Variants in TEX11 observed in about 807,000 individuals in gnomAD.
TEX11 encodes testis expressed 11, also known as testis-expressed protein 11.
TEX11 carries 7 observed loss-of-function variants against 84.4 expected under a neutral mutation model. That is an observed-to-expected ratio of 0.08 (90% confidence interval 0.05 to 0.16). The LOEUF is 0.16. TEX11 is among the 10% of genes least tolerant of loss of function. TEX11 has a pLI of 1.00. For synonymous variants in TEX11, 264 were observed against 222.8 expected (o/e 1.18, Z -1.64); for missense variants, 551 against 660.5 (o/e 0.83, Z 1.82).
At chrX:70,868,807 C>T (rs58774113) in intron 4 of TEX11, among the ~76,000 whole-genome samples, 7,246 of 109,521 alleles carry the variant, frequency 0.066, 610 homozygotes, top group African/African-American at 0.23. Context: ...TGTTCTCACT[C>T]ATAAGTGGGA....
intron 25 of TEX11, among the ~76,000 whole-genome samples, chrX:70,568,328 C>T (rs1411974768): frequency 9.0e-6 from 1 of 110,823 alleles, no homozygotes; most frequent in Non-Finnish European, 1.9e-5. Flanking sequence ...TTCCTGAATA[C>T]AGCACATTGA....
chrX:70,728,464 A>G (rs1335672496), intron 11 of TEX11, among the ~76,000 whole-genome samples: 2 of 112,984 alleles, frequency 1.8e-5, no homozygotes, highest in Non-Finnish European at 3.7e-5. Flanking sequence ...CACTCCCACC[A>G]TAATACTGCG....
At chrX:70,881,326 CA>C (rs773436735) in intron 2 of TEX11, among the ~76,000 whole-genome samples, 70 of 61,893 alleles carry the variant, frequency 1.1e-3, no homozygotes, top group East Asian at 2.6e-3. Flanking sequence ...GACTGTGTCT[CA>C]AAAAAAAAAA....
rs1230541070 is a variant in TEX11, at chrX:70,808,225, G to A, written c.607-1435C>T. On this transcript the variant is annotated intron_variant, in intron 8 of 29. Coordinates refer to ENST00000374333, the MANE Select transcript of TEX11 (RefSeq NM_031276.3). Reference sequence around the variant, plus strand: ...ATAATTTAATTATAAATTTTAAGCTGGGCACCGTGGCTCAAGCCTGAAATC... The same window carrying A: ...ATAATTTAATTATAAATTTTAAGCTAGGCACCGTGGCTCAAGCCTGAAATC... Among the ~76,000 whole-genome samples the A allele has an allele frequency of 1.3e-4, 14 of 106,437 alleles. 1 individual carries two copies. Among genetic ancestry groups the A allele is most frequent in the Admixed American group, 1.0e-3 (10 of 9,756 alleles). 92.4% of individuals were successfully genotyped at this position (106,437 alleles called of 115,157 possible). A position where few individuals can be genotyped will look rare whatever the true frequency, so the allele number is the denominator to read the frequency against.
intron 4 of TEX11, among the ~76,000 whole-genome samples, chrX:70,866,212 C>T (rs2091598294): frequency 9.0e-6 from 1 of 111,056 alleles, no homozygotes; most frequent in Non-Finnish European, 1.9e-5. Flanking sequence ...GGGCTATCAC[C>T]ACTGATCCCA....
In TEX11 at chrX:70,858,739, A is replaced by T. The variant is rs72628879; in HGVS notation, c.324+2118T>A. Among the ~76,000 whole-genome samples, 40 of 111,948 alleles carry T rather than the reference A, an allele frequency of 3.6e-4. No individual in the cohort carries two copies. In the East Asian group the frequency reaches 0.011, roughly 30 times the overall value. On this transcript the variant is annotated intron_variant, in intron 5 of 29. Coordinates refer to ENST00000374333, the MANE Select transcript of TEX11 (RefSeq NM_031276.3). ...AATTATACATGTTGAATTTGCTTGAAAATAATCCAGTGGGTTGGCCAGGCG... is the reference window on the plus strand; with the variant it reads ...AATTATACATGTTGAATTTGCTTGATAATAATCCAGTGGGTTGGCCAGGCG...
chrX:70,570,000 C>A (rs911818147), intron 25 of TEX11, among the ~76,000 whole-genome samples: 25 of 112,146 alleles, frequency 2.2e-4, no homozygotes, highest in African/African-American at 8.1e-4. Context: ...CTGTGCCCTG[C>A]CCCCAGAGGT....
chrX:70,788,985 G>T lies in TEX11; in HGVS notation c.692+17720C>A, dbSNP rs1198103810. Among the ~76,000 whole-genome samples the T allele has an allele frequency of 2.4e-3, 131 of 54,116 alleles. 1 individual carries two copies. Among genetic ancestry groups the T allele is most frequent in the African/African-American group, 3.9e-3 (58 of 14,991 alleles). The allele number at this position is 54,116 out of a possible 115,157, so 47.0% of individuals were successfully genotyped here. ...ATATATATATATATAGAGAGAGAGA[G>T]AGAGAGAGAGAGAGAGAGAGAGAGA... On this transcript the variant is annotated intron_variant, in intron 9 of 29. Coordinates refer to ENST00000374333, the MANE Select transcript of TEX11 (RefSeq NM_031276.3).
At chrX:70,567,845 T>C (rs999546046) in intron 25 of TEX11, among the ~76,000 whole-genome samples, 2 of 111,725 alleles carry the variant, frequency 1.8e-5, no homozygotes, top group Non-Finnish European at 3.8e-5. Flanking sequence ...AATTTTGGAA[T>C]AGGTGTGGTG....
chrX:70,665,227 T>G, intron 16 of TEX11, among the ~76,000 whole-genome samples: 1 of 111,264 alleles, frequency 9.0e-6, no homozygotes, highest in Non-Finnish European at 1.9e-5. Context: ...CAATTGTGCA[T>G]TCCCATTAAC....
chrX:70,610,481 A>C, intron 21 of TEX11, 22 bp downstream of exon 21: 1 of 1,195,671 alleles, frequency 8.4e-7, no homozygotes, highest in Non-Finnish European at 1.1e-6. Flanking sequence ...GAAGGACTGA[A>C]TATAACCAGG....
intron 4 of TEX11, among the ~76,000 whole-genome samples, chrX:70,863,959 G>A (rs1196919322): frequency 8.9e-6 from 1 of 111,778 alleles, no homozygotes; most frequent in Non-Finnish European, 1.9e-5. Flanking sequence ...TCAATCAAGC[G>A]AAGAAAGGAT....
In TEX11 at chrX:70,719,231, T is replaced by C. The variant is rs1310888844; in HGVS notation, c.1004+3387A>G. Among the ~76,000 whole-genome samples the C allele has an allele frequency of 2.7e-5, 3 of 112,225 alleles. No homozygotes were observed. The South Asian group carries it at 1.1e-3, about 42-fold the overall frequency. On this transcript the variant is annotated intron_variant, in intron 13 of 29. Coordinates refer to ENST00000374333, the MANE Select transcript of TEX11 (RefSeq NM_031276.3). ...TAGGACAGTGTTTCCTGGTGAATTA[T>C]ACAATTAATACACTGAAGTTTTTTA...
chrX:70,610,668 CT>C, intron 20 of TEX11, 125 bp from the exon 21 acceptor site: 2 of 592,586 alleles, frequency 3.4e-6, no homozygotes, highest in East Asian at 6.7e-5. Context: ...AAGTTTTTTG[CT>C]CAGGACTCCA....
chrX:70,596,914 AT>A (rs1256201674), intron 24 of TEX11, among the ~76,000 whole-genome samples: 1 of 111,543 alleles, frequency 9.0e-6, no homozygotes, highest in Non-Finnish European at 1.9e-5. Flanking sequence ...AATAACTAAA[AT>A]TAGGAGTAAA....
intron 16 of TEX11, among the ~76,000 whole-genome samples, chrX:70,664,180 T>C (rs746225521): frequency 8.0e-5 from 9 of 112,177 alleles, no homozygotes; most frequent in Non-Finnish European, 1.5e-4. Context: ...CTTCTATACA[T>C]TAAATCTCTA....
chrX:70,608,524 G>A (rs2089220662), intron 22 of TEX11, among the ~76,000 whole-genome samples: 1 of 110,662 alleles, frequency 9.0e-6, no homozygotes, highest in Non-Finnish European at 1.9e-5. Flanking sequence ...GGTGGATCAC[G>A]AGGTCAGGAG....
At chrX:70,651,620 A>T (rs1177623011) in intron 16 of TEX11, 68 bp from the exon 17 acceptor site, 2 of 836,114 alleles carry the variant, frequency 2.4e-6, no homozygotes, top group African/African-American at 4.1e-5. Context: ...TTTTACTAAT[A>T]TCATTAAGGT....
At chrX:70,797,211 C>T (rs748009278) in intron 9 of TEX11, among the ~76,000 whole-genome samples, 4 of 112,133 alleles carry the variant, frequency 3.6e-5, no homozygotes, top group South Asian at 3.7e-4. Flanking sequence ...TGGAACCAAC[C>T]TTGCTGCCCA....
Sources: allele counts gnomAD v4.1 joint callset (sites outside exome capture counted in the v4.1 genomes callset), GRCh38; gene constraint gnomAD v4.1.1; transcripts MANE v1.5; gene names NCBI Gene and HGNC (gene_info 2026-07-23, HGNC 2026-07-21).